Variants in ZBTB7C observed in about 807,000 individuals in gnomAD.
ZBTB7C encodes zinc finger and BTB domain containing 7C.
ZBTB7C carries 8 observed loss-of-function variants against 25.7 expected under a neutral mutation model. The observed-to-expected ratio is 0.31, with a 90% CI of 0.18 to 0.56. ZBTB7C has a LOEUF of 0.56. Ranked by LOEUF, ZBTB7C falls within the 20% of genes least tolerant of loss-of-function variation. ZBTB7C has a pLI of 0.91. For missense variants in ZBTB7C, 824 were observed against 855.2 expected (o/e 0.96, Z 0.46); for synonymous variants, 394 against 369.0 (o/e 1.07, Z -0.78).
intron 3 of ZBTB7C, among the ~76,000 whole-genome samples, chr18:48,175,249 T>C (rs72922149): frequency 0.12 from 18,828 of 152,140 alleles, 1,545 homozygotes; most frequent in East Asian, 0.35. Flanking sequence ...GAACATGGCA[T>C]GGTGAGGTGG....
chr18:48,033,789 CCTT>C (rs1390479924), intron 4 of ZBTB7C, among the ~76,000 whole-genome samples: 12 of 152,184 alleles, frequency 7.9e-5, no homozygotes, highest in African/African-American at 2.9e-4. Flanking sequence ...CACACAGCCT[CCTT>C]CTTTACACTG....
intron 1 of ZBTB7C, among the ~76,000 whole-genome samples, chr18:48,358,913 T>C (rs1372175078): frequency 6.6e-6 from 1 of 152,200 alleles, no homozygotes; most frequent in Non-Finnish European, 1.5e-5. Flanking sequence ...TCCTCCCTTA[T>C]GCCTGGCTGG....
intron 1 of ZBTB7C, among the ~76,000 whole-genome samples, chr18:48,339,092 T>A (rs1399306921): frequency 6.6e-6 from 1 of 152,234 alleles, no homozygotes; most frequent in Non-Finnish European, 1.5e-5. Flanking sequence ...TTATGCTGTG[T>A]CAGGAGGGGC....
rs370810687 is a variant in ZBTB7C, at chr18:48,074,245, C to T, written c.-16-33122G>A. ...GTCAGGCTGGTCTTGAACTCCTGAT[C>T]TCAGGTGATCTGCCTGCCTCGGCCT... On this transcript the variant is annotated intron_variant, in intron 3 of 4. Transcript: ENST00000590800. Among the ~76,000 whole-genome samples the T allele has an allele frequency of 3.4e-3, 516 of 152,274 alleles. 3 individuals carry two copies. The highest frequency in any genetic ancestry group is 0.01 in the Middle Eastern group (3 of 294).
Position 48,116,678 on chromosome 18 carries a change from GC to G in ZBTB7C, c.-17+69255del, listed in dbSNP as rs2039452121. On this transcript the variant is annotated intron_variant, in intron 3 of 4. Coordinates refer to ENST00000590800, the MANE Select transcript of ZBTB7C (RefSeq NM_001318841.2). ...TTGGGGGGCCTCCTCAGCTCTGCTG[GC>G]TGTCCTGGCCACTGCTTGCCTGGCC... Among the ~76,000 whole-genome samples the G allele has an allele frequency of 2.6e-5, 4 of 152,052 alleles. No homozygotes were observed. In the South Asian group the frequency reaches 8.3e-4, roughly 32 times the overall value.
chr18:48,233,507 C>T (rs1018215283), intron 2 of ZBTB7C, among the ~76,000 whole-genome samples: 5 of 152,126 alleles, frequency 3.3e-5, no homozygotes, highest in African/African-American at 4.8e-5. Context: ...ACAGGAAGAC[C>T]GGTGAGCTGG....
intron 2 of ZBTB7C, among the ~76,000 whole-genome samples, chr18:48,314,318 TG>T (rs990655575): frequency 3.3e-5 from 5 of 152,162 alleles, no homozygotes; most frequent in African/African-American, 1.2e-4. Flanking sequence ...CTCTAAATCC[TG>T]GGGAACATGG....
upstream of ZBTB7C, among the ~76,000 whole-genome samples, chr18:48,411,230 A>G (rs920969069): frequency 1.3e-5 from 2 of 150,574 alleles, no homozygotes; most frequent in African/African-American, 2.4e-5. Flanking sequence ...TAATTTGCCA[A>G]AGAGATCTGG....
At chr18:48,353,571 C>G (rs1005476729) in intron 1 of ZBTB7C, among the ~76,000 whole-genome samples, 1 of 152,136 alleles carries the variant, frequency 6.6e-6, no homozygotes, top group Non-Finnish European at 1.5e-5. Context: ...AAGGAAGAGT[C>G]CCTGTCCCCC....
intron 3 of ZBTB7C, among the ~76,000 whole-genome samples, chr18:48,121,236 G>A (rs983918942): frequency 6.6e-6 from 1 of 152,138 alleles, no homozygotes; most frequent in Non-Finnish European, 1.5e-5. Context: ...TACCCATCTG[G>A]TGGCAAAACC....
chr18:48,192,971 A>T (rs556114188), intron 2 of ZBTB7C, among the ~76,000 whole-genome samples: 1 of 152,362 alleles, frequency 6.6e-6, no homozygotes, highest in Admixed American at 6.5e-5. Context: ...TAATTAAAAA[A>T]AAATCAACCA....
intron 4 of ZBTB7C, among the ~76,000 whole-genome samples, chr18:48,033,283 T>C (rs2035838941): frequency 6.6e-6 from 1 of 151,892 alleles, no homozygotes; most frequent in African/African-American, 2.4e-5. Flanking sequence ...ATACAGCTGG[T>C]GGGGGCAAAG....
At chr18:48,373,736 C>T (rs1045149636) in intron 1 of ZBTB7C, among the ~76,000 whole-genome samples, 1 of 152,144 alleles carries the variant, frequency 6.6e-6, no homozygotes, top group Non-Finnish European at 1.5e-5. Context: ...TCAAGGCGGG[C>T]AGATCACAAG....
chr18:48,080,537 G>A (rs550057134), intron 3 of ZBTB7C, among the ~76,000 whole-genome samples: 3 of 152,280 alleles, frequency 2.0e-5, no homozygotes, highest in Admixed American at 6.5e-5. Flanking sequence ...CATCTAACCC[G>A]TCAAGCTGCT....
intron 3 of ZBTB7C, among the ~76,000 whole-genome samples, chr18:48,181,188 C>T (rs1330994177): frequency 6.6e-6 from 1 of 152,088 alleles, no homozygotes; most frequent in African/African-American, 2.4e-5. Flanking sequence ...TGAGGCCAAA[C>T]CATGGGGAAA....
At chr18:48,286,348 C>T (rs571949769) in intron 2 of ZBTB7C, among the ~76,000 whole-genome samples, 34 of 151,562 alleles carry the variant, frequency 2.2e-4, no homozygotes, top group African/African-American at 7.0e-4. Context: ...TTTGAAAGTA[C>T]AGAAATAATT....
chr18:48,032,422 GTTTTTTTTTT>G (rs71165309), intron 4 of ZBTB7C, among the ~76,000 whole-genome samples: 128 of 65,090 alleles, frequency 2.0e-3, no homozygotes, highest in Non-Finnish European at 2.9e-3. Flanking sequence ...GACAAGGTAG[GTTTTTTTTTT>G]TTTTTTTTTT....
In ZBTB7C at chr18:48,227,698, C is replaced by G. The variant is rs564305351; in HGVS notation, c.-78-41703G>C. On this transcript the variant is annotated intron_variant, in intron 2 of 4. Coordinates refer to ENST00000590800, the MANE Select transcript of ZBTB7C (RefSeq NM_001318841.2). Reference sequence around the variant, plus strand: ...AGGAAGCCTGTTTTACCAAACCCTGCCTTACCACAAAAATTTTCACTGGAG... The same window carrying G: ...AGGAAGCCTGTTTTACCAAACCCTGGCTTACCACAAAAATTTTCACTGGAG... Among the ~76,000 whole-genome samples, 24 of 152,324 alleles carry G rather than the reference C, an allele frequency of 1.6e-4. No individual in the cohort carries two copies. The South Asian group carries it at 4.1e-3, about 26-fold the overall frequency.
At chr18:48,405,711 C>A (rs113241974) in intron 1 of ZBTB7C, among the ~76,000 whole-genome samples, 16 of 135,312 alleles carry the variant, frequency 1.2e-4, no homozygotes, top group African/African-American at 4.5e-4. Flanking sequence ...ACCCTCCCTG[C>A]AGGATGCTGC....
Sources: allele counts gnomAD v4.1 joint callset (sites outside exome capture counted in the v4.1 genomes callset), GRCh38; gene constraint gnomAD v4.1.1; transcripts MANE v1.5; gene names NCBI Gene and HGNC (gene_info 2026-07-23, HGNC 2026-07-21).